GRIA2: variants seen among roughly 807,000 people sequenced by gnomAD.
GRIA2 encodes glutamate ionotropic receptor AMPA type subunit 2, also known as glutamate receptor 2.
GRIA2 carries 14 observed loss-of-function variants against 97.3 expected under a neutral mutation model. That is an observed-to-expected ratio of 0.14 (90% CI 0.10 to 0.23). The LOEUF (loss-of-function observed/expected upper bound fraction) is 0.23. GRIA2 is among the 10% of genes least tolerant of loss of function. The pLI is 1.00. For missense variants in GRIA2, 558 were observed against 1,069.8 expected (o/e 0.52, Z 6.67); for synonymous variants, 412 against 387.8 (o/e 1.06, Z -0.73).
intron 2 of GRIA2, among the ~76,000 whole-genome samples, chr4:157,299,443 T>A (rs1733514639): frequency 1.3e-5 from 2 of 152,184 alleles, no homozygotes; most frequent in African/African-American, 4.8e-5. Context: ...CTATGCTGAT[T>A]CATTGAAGTG....
chr4:157,278,913 A>T (rs1283785081), intron 2 of GRIA2, among the ~76,000 whole-genome samples: 2 of 152,058 alleles, frequency 1.3e-5, no homozygotes, highest in African/African-American at 2.4e-5. Flanking sequence ...AGATACCACT[A>T]CATGCTTATT....
chr4:157,329,048 A>G (rs912719232), intron 6 of GRIA2, among the ~76,000 whole-genome samples: 1 of 151,992 alleles, frequency 6.6e-6, no homozygotes. Flanking sequence ...ACCTTATCAC[A>G]GACAGCTCTT....
At chr4:157,283,422 C>T (rs1181280164) in intron 2 of GRIA2, among the ~76,000 whole-genome samples, 1 of 151,798 alleles carries the variant, frequency 6.6e-6, no homozygotes, top group Non-Finnish European at 1.5e-5. Flanking sequence ...AAGGAAATTA[C>T]CATAATTAAT....
intron 2 of GRIA2, among the ~76,000 whole-genome samples, chr4:157,290,300 C>T (rs1008680625): frequency 6.6e-6 from 1 of 151,700 alleles, no homozygotes; most frequent in Non-Finnish European, 1.5e-5. Flanking sequence ...TTGGCAAAAT[C>T]CTATCAAATC....
At chr4:157,330,912 A>C (rs565482728) in intron 6 of GRIA2, among the ~76,000 whole-genome samples, 45 of 152,144 alleles carry the variant, frequency 3.0e-4, no homozygotes, top group Middle Eastern at 3.4e-3. Context: ...GGAGATAGTT[A>C]CATTGCCATC....
At chr4:157,322,601 G>A (rs756280563) in intron 6 of GRIA2, among the ~76,000 whole-genome samples, 6 of 152,120 alleles carry the variant, frequency 3.9e-5, no homozygotes, top group Non-Finnish European at 7.4e-5. Flanking sequence ...CCTTCAGTTG[G>A]TAACCTTATT....
At chr4:157,229,471 G>T (rs778169377) in intron 2 of GRIA2, among the ~76,000 whole-genome samples, 15 of 152,118 alleles carry the variant, frequency 9.9e-5, no homozygotes, top group Non-Finnish European at 1.5e-4. Flanking sequence ...CAGCTGAATA[G>T]AACAAATAAA....
At chr4:157,222,341 C>G (rs986268752) in intron 2 of GRIA2, among the ~76,000 whole-genome samples, 1 of 152,166 alleles carries the variant, frequency 6.6e-6, no homozygotes, top group Non-Finnish European at 1.5e-5. Context: ...GCGGCCCTCG[C>G]GAGCTCCATG....
At chr4:157,318,200 G>A (rs1049429942) in intron 5 of GRIA2, among the ~76,000 whole-genome samples, 7 of 151,886 alleles carry the variant, frequency 4.6e-5, no homozygotes, top group African/African-American at 1.7e-4. Flanking sequence ...AAGTTTAATT[G>A]TCCACATATT....
At chr4:157,336,206 G>A (rs567533989) in intron 10 of GRIA2, among the ~76,000 whole-genome samples, 171 bp from the exon 11 acceptor site, 14 of 152,054 alleles carry the variant, frequency 9.2e-5, no homozygotes, top group Non-Finnish European at 1.9e-4. Context: ...AAGAGGAGGG[G>A]CATTCGGGGA....
intron 2 of GRIA2, among the ~76,000 whole-genome samples, chr4:157,281,495 T>A (rs1732592913): frequency 6.6e-6 from 1 of 152,166 alleles, no homozygotes; most frequent in Admixed American, 6.6e-5. Flanking sequence ...GACTTTTTAA[T>A]GGTTTTATTT....
chr4:157,289,717 A>T (rs1405286415), intron 2 of GRIA2, among the ~76,000 whole-genome samples: 2 of 151,846 alleles, frequency 1.3e-5, no homozygotes, highest in Non-Finnish European at 2.9e-5. Context: ...ATTTGGATGC[A>T]TATCATACAG....
intron 12 of GRIA2, among the ~76,000 whole-genome samples, chr4:157,356,153 T>TTATTTATATATATTTATATA (rs1295258057): frequency 1.5e-5 from 2 of 132,576 alleles, no homozygotes; most frequent in African/African-American, 5.7e-5. Context: ...TTATATTTAT[T>TTATTTATATATATTTATATA]TATTTATATA....
intron 5 of GRIA2, among the ~76,000 whole-genome samples, chr4:157,320,430 T>A (rs1253489992): frequency 6.6e-6 from 1 of 152,080 alleles, no homozygotes; most frequent in Non-Finnish European, 1.5e-5. Flanking sequence ...TATATTAAAA[T>A]TGAATGTTTT....
intron 12 of GRIA2, among the ~76,000 whole-genome samples, chr4:157,352,894 A>G (rs1736076160): frequency 1.3e-5 from 2 of 151,946 alleles, no homozygotes; most frequent in Non-Finnish European, 2.9e-5. Flanking sequence ...CCCTGTCTCT[A>G]CTAAAAACAC....
intron 2 of GRIA2, among the ~76,000 whole-genome samples, chr4:157,262,950 A>T (rs567914428): frequency 6.6e-6 from 1 of 152,220 alleles, no homozygotes; most frequent in Admixed American, 6.6e-5. Flanking sequence ...CCCAGTTACA[A>T]CCAAGTTATA....
At chr4:157,335,633 G>A in intron 9 of GRIA2, 38 bp from the exon 10 acceptor site, 1 of 1,213,414 alleles carries the variant, frequency 8.2e-7, no homozygotes, top group Non-Finnish European at 1.2e-6. Flanking sequence ...AATTAACACA[G>A]ATATTTTAAT....
rs1486971197 is a variant in GRIA2 at position 157,312,877 on chromosome 4, T to C, written c.666+2T>C. ...AAAGTAAACGACATTGTAGACCAGGTTTGCTACTTTCTGTTTTCTAATGAT... is the reference window on the plus strand; with the variant it reads ...AAAGTAAACGACATTGTAGACCAGGCTTGCTACTTTCTGTTTTCTAATGAT... On this transcript the variant is annotated splice_donor_variant, in intron 4 of 15. Coordinates refer to ENST00000264426, the MANE Select transcript of GRIA2 (RefSeq NM_001083619.3). LOFTEE classifies it high-confidence loss of function. The C allele has an allele frequency of 6.5e-7, 1 of 1,545,306 alleles. No individual in the cohort carries two copies. Among genetic ancestry groups the C allele is most frequent in the Admixed American group, 1.9e-5 (1 of 52,456 alleles).
chr4:157,288,435 T>A (rs1428763411), intron 2 of GRIA2, among the ~76,000 whole-genome samples: 1 of 151,682 alleles, frequency 6.6e-6, no homozygotes, highest in Non-Finnish European at 1.5e-5. Context: ...CATTGGAACA[T>A]CGCTGTGGCA....
Sources: allele counts gnomAD v4.1 joint callset (sites outside exome capture counted in the v4.1 genomes callset), GRCh38; gene constraint gnomAD v4.1.1; transcripts MANE v1.5; gene names NCBI Gene and HGNC (gene_info 2026-07-23, HGNC 2026-07-21).